GLIS3: variants seen among roughly 807,000 people sequenced by gnomAD.
GLIS3 encodes GLIS family zinc finger 3.
Under a neutral mutation model 78.6 loss-of-function variants are expected in GLIS3, and 53 were observed. The ratio of observed to expected loss-of-function variants is 0.67; its 90% confidence interval spans 0.54 to 0.85. The LOEUF is 0.85. Ranked by LOEUF, GLIS3 falls within the 40% of genes least tolerant of loss-of-function variation. The probability of loss-of-function intolerance (pLI) is 0.00; values close to 1 mark genes in which losing one functional copy is unlikely to be tolerated. For synonymous variants in GLIS3, 684 were observed against 509.9 expected (o/e 1.34, Z -4.60); for missense variants, 1,703 against 1,231.1 (o/e 1.38, Z -5.74).
At chr9:4,133,784 C>T (rs1014963317) in intron 2 of GLIS3, among the ~76,000 whole-genome samples, 2 of 151,400 alleles carry the variant, frequency 1.3e-5, no homozygotes, top group African/African-American at 4.9e-5. Flanking sequence ...CTCCTGAGTG[C>T]CCAGAAACAG....
the GLIS3 span, among the ~76,000 whole-genome samples, chr9:4,408,857 G>C: frequency 2.0e-5 from 3 of 151,308 alleles, no homozygotes; most frequent in Admixed American, 6.6e-5. Context: ...TGGATTGTTT[G>C]TAACATGGGA....
At chr9:4,368,607 T>C in the GLIS3 span, among the ~76,000 whole-genome samples, 1 of 152,172 alleles carries the variant, frequency 6.6e-6, no homozygotes, top group Admixed American at 6.5e-5. Context: ...CGCCTCGGCC[T>C]CCCAAAGTGC....
intron 2 of GLIS3, among the ~76,000 whole-genome samples, chr9:4,152,987 T>C (rs1451083799): frequency 1.3e-5 from 2 of 152,182 alleles, no homozygotes; most frequent in Admixed American, 1.3e-4. Flanking sequence ...GCATTTTGTG[T>C]TCCATAGTTT....
intron 2 of GLIS3, among the ~76,000 whole-genome samples, chr9:4,312,344 T>C (rs1817376460): frequency 6.6e-6 from 1 of 152,090 alleles, no homozygotes; most frequent in Non-Finnish European, 1.5e-5. Context: ...GGTGCACACC[T>C]GTAATCCCAG....
intron 2 of GLIS3, among the ~76,000 whole-genome samples, chr9:4,232,849 G>C (rs1822392877): frequency 6.6e-6 from 1 of 152,106 alleles, no homozygotes; most frequent in South Asian, 2.1e-4. Context: ...CTAAATAGTG[G>C]TAAGTTAAAA....
rs115691954 is a variant in GLIS3, at chr9:4,242,880, T to A, written c.388+43158A>T. On this transcript the variant is annotated intron_variant, in intron 2 of 10. Coordinates refer to ENST00000381971, the MANE Select transcript of GLIS3 (RefSeq NM_001042413.2). ...ATTAACTTGTTTCATTTTACTTTTT[T>A]AATGTGGCTACTAAAATTTTTAAAT... 6.3e-3 allele frequency among the ~76,000 whole-genome samples: 965 copies of A among 152,324 alleles called. 9 individuals are homozygous for A. The highest frequency in any genetic ancestry group is 0.022 in the African/African-American group (916 of 41,568).
chr9:4,040,925 C>G (rs981545214), intron 4 of GLIS3, among the ~76,000 whole-genome samples: 1 of 152,138 alleles, frequency 6.6e-6, no homozygotes, highest in African/African-American at 2.4e-5. Context: ...GTTTGAAATA[C>G]AAAACATCAG....
intron 4 of GLIS3, among the ~76,000 whole-genome samples, chr9:4,096,539 A>C (rs1829962353): frequency 6.6e-6 from 1 of 152,202 alleles, no homozygotes; most frequent in African/African-American, 2.4e-5. Flanking sequence ...ATTTACTTAA[A>C]GTTAGTGGCT....
At chr9:4,287,554 T>C (rs1208062748) in intron 1 of GLIS3, among the ~76,000 whole-genome samples, 2 of 152,194 alleles carry the variant, frequency 1.3e-5, no homozygotes, top group African/African-American at 4.8e-5. Context: ...TCACAATCTG[T>C]CTTTCAGAGA....
the GLIS3 span, among the ~76,000 whole-genome samples, chr9:4,424,218 A>G: frequency 6.6e-6 from 1 of 152,166 alleles, no homozygotes; most frequent in Non-Finnish European, 1.5e-5. Context: ...AAATCAGTTG[A>G]TGTAGGTTCC....
At chr9:4,259,298 T>A (rs1372501438) in intron 2 of GLIS3, among the ~76,000 whole-genome samples, 1 of 151,916 alleles carries the variant, frequency 6.6e-6, no homozygotes, top group Non-Finnish European at 1.5e-5. Flanking sequence ...AGTTAATTGA[T>A]TGCAGAACCA....
intron 4 of GLIS3, among the ~76,000 whole-genome samples, chr9:4,066,941 T>C (rs1245363260): frequency 6.6e-6 from 1 of 152,194 alleles, no homozygotes; most frequent in Non-Finnish European, 1.5e-5. Context: ...AGGGAGCTTC[T>C]TGTTCAACAG....
chr9:4,173,682 A>C (rs1350352228), intron 2 of GLIS3, among the ~76,000 whole-genome samples: 1 of 151,684 alleles, frequency 6.6e-6, no homozygotes, highest in Non-Finnish European at 1.5e-5. Flanking sequence ...CTGCAGCCTC[A>C]ACCTCCTGGG....
At chr9:3,859,533 A>G (rs1260187945) in intron 8 of GLIS3, among the ~76,000 whole-genome samples, 1 of 152,204 alleles carries the variant, frequency 6.6e-6, no homozygotes, top group East Asian at 1.9e-4. Flanking sequence ...GATAAATTAT[A>G]GTTATTTGCC....
chr9:3,890,805 C>A (rs1395579399), intron 7 of GLIS3, among the ~76,000 whole-genome samples: 1 of 152,080 alleles, frequency 6.6e-6, no homozygotes, highest in Non-Finnish European at 1.5e-5. Context: ...TTTTGAATGA[C>A]CAAACCCTAG....
At chr9:3,921,386 G>A (rs978059446) in intron 6 of GLIS3, among the ~76,000 whole-genome samples, 1 of 152,196 alleles carries the variant, frequency 6.6e-6, no homozygotes, top group African/African-American at 2.4e-5. Context: ...CATGGGAACC[G>A]GAAGCTCAGA....
At chr9:4,298,752 C>T (rs922004532) in intron 1 of GLIS3, among the ~76,000 whole-genome samples, 1 of 152,104 alleles carries the variant, frequency 6.6e-6, no homozygotes, top group African/African-American at 2.4e-5. Flanking sequence ...GTCCTGGCGG[C>T]GTGGGAGGTT....
intron 2 of GLIS3, among the ~76,000 whole-genome samples, chr9:4,127,647 G>A (rs776905607): frequency 6.6e-6 from 1 of 151,656 alleles, no homozygotes; most frequent in African/African-American, 2.4e-5. Context: ...TGAAAAAAAG[G>A]CAATGTGATG....
the GLIS3 span, among the ~76,000 whole-genome samples, chr9:4,425,172 T>A: frequency 0.21 from 31,454 of 152,080 alleles, 3,409 homozygotes; most frequent in Middle Eastern, 0.23. Context: ...ACAGCCCTTA[T>A]TGCCCAACTC....
Sources: gnomAD v4.1 joint callset for allele counts (sites outside exome capture counted in the v4.1 genomes callset) on GRCh38, gnomAD v4.1.1 for gene constraint, MANE v1.5 for transcripts, NCBI Gene and HGNC (gene_info 2026-07-23, HGNC 2026-07-21) for gene names.